UTRN: variants seen among roughly 807,000 people sequenced by gnomAD.
The protein encoded by UTRN is dystrophin-related protein 1.
Under a neutral mutation model 463.9 loss-of-function variants are expected in UTRN, and 283 were observed. The observed-to-expected ratio is 0.61, with a 90% CI of 0.55 to 0.67. UTRN has a LOEUF of 0.67. UTRN is among the 30% of genes least tolerant of loss of function. The pLI, the probability that UTRN is intolerant of heterozygous loss-of-function variation, is 0.00. For missense variants in UTRN, 3,922 were observed against 4,084.3 expected (o/e 0.96, Z 1.08); for synonymous variants, 1,442 against 1,431.5 (o/e 1.01, Z -0.17).
At chr6:144,451,821 A>T (rs757356825) in intron 18 of UTRN, among the ~76,000 whole-genome samples, 1 of 152,180 alleles carries the variant, frequency 6.6e-6, no homozygotes, top group Non-Finnish European at 1.5e-5. Flanking sequence ...TTATGACTCT[A>T]TATTAACATT....
chr6:144,517,361 T>A (rs920560841), intron 39 of UTRN, among the ~76,000 whole-genome samples: 1 of 151,694 alleles, frequency 6.6e-6, no homozygotes, highest in East Asian at 1.9e-4. Flanking sequence ...TATTTCTTTA[T>A]ATTTTTCTTT....
intron 43 of UTRN, among the ~76,000 whole-genome samples, chr6:144,534,572 G>T (rs542202868): frequency 6.6e-6 from 1 of 152,166 alleles, no homozygotes; most frequent in Non-Finnish European, 1.5e-5. Context: ...AACACTTAAA[G>T]TATCTATTTC....
At chr6:144,407,773 T>C (rs1783543269) in intron 3 of UTRN, among the ~76,000 whole-genome samples, 1 of 152,226 alleles carries the variant, frequency 6.6e-6, no homozygotes, top group Non-Finnish European at 1.5e-5. Context: ...ATATGTATTC[T>C]TTTTGCTGCA....
chr6:144,772,880 G>A (rs1234060935), intron 59 of UTRN, among the ~76,000 whole-genome samples: 1 of 151,926 alleles, frequency 6.6e-6, no homozygotes. Context: ...CTAAGGAGAT[G>A]CTGGAGGGAA....
At chr6:144,511,263 G>C (rs1194357068) in intron 35 of UTRN, 140 bp downstream of exon 35, 1 of 811,690 alleles carries the variant, frequency 1.2e-6, no homozygotes, top group Non-Finnish European at 1.7e-6. Context: ...AATTTCATTA[G>C]ACTAGGTTTT....
intron 62 of UTRN, among the ~76,000 whole-genome samples, chr6:144,790,200 A>G (rs948349557): frequency 2.6e-5 from 4 of 152,212 alleles, no homozygotes; most frequent in Non-Finnish European, 5.9e-5. Flanking sequence ...ACCCTTAACT[A>G]CTATCACATA....
intron 49 of UTRN, among the ~76,000 whole-genome samples, chr6:144,555,119 G>A (rs186887918): frequency 9.2e-5 from 14 of 152,190 alleles, no homozygotes; most frequent in Admixed American, 5.9e-4. Context: ...ATAGCTCACT[G>A]ACTTTTTGCA....
At chr6:144,708,306 A>T (rs371835317) in intron 53 of UTRN, 1 of 666,720 alleles carries the variant, frequency 1.5e-6, no homozygotes, top group East Asian at 3.0e-5. Context: ...TTACAAGACC[A>T]TGTATAAACC....
At chr6:144,609,813 A>G (rs984492298) in intron 51 of UTRN, among the ~76,000 whole-genome samples, 4 of 152,188 alleles carry the variant, frequency 2.6e-5, no homozygotes, top group Middle Eastern at 3.2e-3. Flanking sequence ...AAATTAAACA[A>G]TATGCTCCTA....
intron 41 of UTRN, among the ~76,000 whole-genome samples, chr6:144,528,964 G>T (rs1338851003): frequency 6.6e-6 from 1 of 152,206 alleles, no homozygotes; most frequent in Non-Finnish European, 1.5e-5. Flanking sequence ...CTTGTGCATG[G>T]CTTGTTGTGG....
chr6:144,407,439 T>A (rs1252732139), intron 3 of UTRN, among the ~76,000 whole-genome samples: 1 of 152,208 alleles, frequency 6.6e-6, no homozygotes, highest in Non-Finnish European at 1.5e-5. Context: ...GGACTTTTGC[T>A]GCATTATTGA....
intron 51 of UTRN, among the ~76,000 whole-genome samples, chr6:144,605,938 G>T (rs952093593): frequency 6.6e-6 from 1 of 151,818 alleles, no homozygotes; most frequent in Admixed American, 6.6e-5. Context: ...TTCAAGTTTT[G>T]TACCTGTCTT....
At chr6:144,739,126 A>G (rs1469027762) in intron 54 of UTRN, among the ~76,000 whole-genome samples, 1 of 152,218 alleles carries the variant, frequency 6.6e-6, no homozygotes, top group Non-Finnish European at 1.5e-5. Context: ...ATAATATGGT[A>G]TGTAATATTT....
intron 6 of UTRN, 134 bp downstream of exon 6, chr6:144,424,212 T>C (rs1785097990): frequency 1.1e-6 from 1 of 920,528 alleles, no homozygotes. Context: ...CTCCCAGTTC[T>C]GGAGGCCAGA....
At chr6:144,397,035 G>A (rs1461433886) in intron 2 of UTRN, among the ~76,000 whole-genome samples, 1 of 152,122 alleles carries the variant, frequency 6.6e-6, no homozygotes, top group Non-Finnish European at 1.5e-5. Context: ...CACGAGGTCA[G>A]GAGTTCGAGA....
intron 33 of UTRN, among the ~76,000 whole-genome samples, chr6:144,497,344 T>C (rs145773157): frequency 6.3e-4 from 95 of 151,320 alleles, no homozygotes; most frequent in African/African-American, 2.2e-3. Flanking sequence ...TCTGGCTTGA[T>C]GATGTGGATG....
intron 9 of UTRN, among the ~76,000 whole-genome samples, chr6:144,435,093 TG>T (rs1786407121): frequency 1.3e-5 from 2 of 152,212 alleles, no homozygotes; most frequent in Non-Finnish European, 2.9e-5. Context: ...TTAAAGGGAA[TG>T]TTAACAAACC....
At chr6:144,448,915 T>C in intron 17 of UTRN, 146 bp downstream of exon 17, 1 of 927,894 alleles carries the variant, frequency 1.1e-6, no homozygotes, top group Non-Finnish European at 1.5e-6. Flanking sequence ...ACTGAACCAC[T>C]CACTGCCCCT....
chr6:144,448,710 G>GCCT lies in UTRN; in HGVS notation c.2025_2027dup (p.Pro677dup), dbSNP rs775524055. The GCCT allele has an allele frequency of 2.5e-6, 4 of 1,613,874 alleles. No homozygotes were observed. The highest frequency in any genetic ancestry group is 2.2e-5 in the East Asian group (1 of 44,842). On this transcript the variant is annotated inframe_insertion, in exon 17 of 75. Transcript: ENST00000367545. ...TTACAAAAAAATCTAAGCAGGAACT[G>GCCT]CCTCCTCCTCCTCCCCCAAAGAAGA...
Sources: allele counts gnomAD v4.1 joint callset (sites outside exome capture counted in the v4.1 genomes callset), GRCh38; gene constraint gnomAD v4.1.1; transcripts MANE v1.5; gene names NCBI Gene and HGNC (gene_info 2026-07-23, HGNC 2026-07-21).